Variants in CFAP47 observed in about 807,000 individuals in gnomAD.
CFAP47 encodes the protein cilia and flagella associated protein 47.
A neutral mutation model predicts 148.1 loss-of-function variants in CFAP47; 29 were observed. The observed-to-expected ratio is 0.20, with a 90% confidence interval of 0.15 to 0.27. The LOEUF is 0.27. Ranked by LOEUF, CFAP47 falls within the 10% of genes least tolerant of loss-of-function variation. The probability of loss-of-function intolerance (pLI) is 1.00; values close to 1 mark genes in which losing one functional copy is unlikely to be tolerated. For missense variants in CFAP47, 1,872 were observed against 1,697.5 expected, an observed-to-expected ratio of 1.10 and a Z score of -1.81; for synonymous variants, 664 against 577.3, an observed-to-expected ratio of 1.15 and a Z score of -2.15.
chrX:36,322,512 A>G (rs1363574405), intron 57 of CFAP47, among the ~76,000 whole-genome samples: 1 of 111,222 alleles, frequency 9.0e-6, no homozygotes, highest in Non-Finnish European at 1.9e-5. Flanking sequence ...AAACCTTCTA[A>G]TAACTACTTT....
chrX:35,957,775 C>T (rs758323955), intron 8 of CFAP47, among the ~76,000 whole-genome samples: 4 of 111,851 alleles, frequency 3.6e-5, no homozygotes, highest in South Asian at 3.7e-4. Context: ...AGTAAAAATG[C>T]GAATGTAAGA....
chrX:36,204,126 G>C (rs1017176563), intron 44 of CFAP47, among the ~76,000 whole-genome samples: 5 of 109,934 alleles, frequency 4.5e-5, no homozygotes, highest in Admixed American at 9.7e-5. Context: ...ATTTGTTTGA[G>C]TTCATTGTAG....
intron 57 of CFAP47, among the ~76,000 whole-genome samples, chrX:36,334,612 T>A (rs1413568557): frequency 1.8e-5 from 2 of 109,594 alleles, no homozygotes; most frequent in South Asian, 3.9e-4. Context: ...AACCTCCACT[T>A]TTTTTTTCTT....
chrX:36,049,486 T>TCACACA (rs1335410550), intron 26 of CFAP47, among the ~76,000 whole-genome samples: 11 of 64,545 alleles, frequency 1.7e-4, no homozygotes, highest in East Asian at 5.6e-4. Context: ...TATTTCTCTC[T>TCACACA]CTCACACACA....
chrX:36,314,993 C>T (rs1490979838), intron 56 of CFAP47, among the ~76,000 whole-genome samples: 1 of 111,572 alleles, frequency 9.0e-6, no homozygotes, highest in East Asian at 2.8e-4. Context: ...AGTCCATGAC[C>T]ACAGGTAGCA....
chrX:36,297,190 G>A (rs1296801870), intron 51 of CFAP47, among the ~76,000 whole-genome samples: 1 of 111,515 alleles, frequency 9.0e-6, no homozygotes, highest in Non-Finnish European at 1.9e-5. Flanking sequence ...CACACTAAAT[G>A]TTGTTTCCAT....
chrX:36,175,757 G>T (rs1347419856), intron 39 of CFAP47, among the ~76,000 whole-genome samples: 1 of 112,980 alleles, frequency 8.9e-6, no homozygotes, highest in Non-Finnish European at 1.9e-5. Context: ...CTTTTTGTTT[G>T]TCTGTGCCCT....
chrX:36,191,665 C>T (rs1035385072), intron 42 of CFAP47, among the ~76,000 whole-genome samples: 26 of 111,116 alleles, frequency 2.3e-4, no homozygotes, highest in Middle Eastern at 4.6e-3. Context: ...TCTTTTTAAA[C>T]GGGCCGTAAC....
At chrX:36,017,692 G>A (rs1470120850) in intron 22 of CFAP47, among the ~76,000 whole-genome samples, 1 of 111,399 alleles carries the variant, frequency 9.0e-6, no homozygotes, top group Admixed American at 9.6e-5. Flanking sequence ...TGAGTTCACA[G>A]TAGGTGTGTG....
chrX:36,061,981 C>T (rs781732665), intron 26 of CFAP47, among the ~76,000 whole-genome samples: 1 of 111,817 alleles, frequency 8.9e-6, no homozygotes, highest in African/African-American at 3.2e-5. Flanking sequence ...CTTCTTTTAA[C>T]CCTTCGTAGC....
intron 22 of CFAP47, among the ~76,000 whole-genome samples, chrX:36,029,762 T>G (rs1323463870): frequency 2.7e-5 from 3 of 110,290 alleles, no homozygotes; most frequent in Non-Finnish European, 5.7e-5. Context: ...ATATATTTAT[T>G]TATTATCTTA....
chrX:36,314,154 G>A (rs782335846), intron 56 of CFAP47, among the ~76,000 whole-genome samples: 1 of 111,536 alleles, frequency 9.0e-6, no homozygotes, highest in Admixed American at 9.6e-5. Flanking sequence ...AGAGAATTGG[G>A]CAATCCAGAA....
intron 8 of CFAP47, among the ~76,000 whole-genome samples, chrX:35,958,161 T>C (rs1049959697): frequency 1.8e-5 from 2 of 111,923 alleles, no homozygotes; most frequent in African/African-American, 6.5e-5. Flanking sequence ...ATGGCTTCTT[T>C]CATTTAGCGT....
chrX:36,182,668 C>A (rs1284279955), intron 40 of CFAP47, among the ~76,000 whole-genome samples: 2 of 111,417 alleles, frequency 1.8e-5, no homozygotes, highest in Non-Finnish European at 3.8e-5. Context: ...TTATGCAATC[C>A]ACCATATAAT....
At chrX:36,184,781 A>G (rs1163149923) in intron 40 of CFAP47, among the ~76,000 whole-genome samples, 1 of 110,701 alleles carries the variant, frequency 9.0e-6, no homozygotes, top group Non-Finnish European at 1.9e-5. Context: ...TAAAAATACA[A>G]AATTAGCTGG....
Position 36,137,986 on chromosome X carries a change from A to G in CFAP47, c.5349A>G (p.Val1783=), listed in dbSNP as rs886256658. 2.3e-6 allele frequency: 2 copies of G among 861,924 alleles called. No homozygotes were observed. 71.0% of individuals were successfully genotyped at this position (861,924 alleles called of 1,213,427 possible). The change falls in exon 34 of 64, where the codon GTA becomes GTG. Residue 1783 remains valine (V), a synonymous_variant. Transcript: ENST00000378653. Reference sequence around the variant, plus strand: ...TTATCCCTTCTGAGAGATGGATAGTAAATTTTGACAAAGACCTTTCAGATG... The same window carrying G: ...TTATCCCTTCTGAGAGATGGATAGTGAATTTTGACAAAGACCTTTCAGATG... The part of the protein sequence containing the change: ...KDVIPSERWI[V]NFDKDLSDGL...
chrX:36,208,449 G>A (rs1336920591), intron 45 of CFAP47, among the ~76,000 whole-genome samples: 3 of 109,444 alleles, frequency 2.7e-5, no homozygotes, highest in Non-Finnish European at 5.7e-5. Context: ...ACTCAGCCCT[G>A]GGTATACACG....
chrX:36,375,856 A>G (rs1556022819), intron 62 of CFAP47, among the ~76,000 whole-genome samples: 1 of 111,734 alleles, frequency 8.9e-6, no homozygotes, highest in Non-Finnish European at 1.9e-5. Context: ...TGAGAGATTA[A>G]TATTGCTTTG....
chrX:36,349,569 C>T (rs918148151), intron 58 of CFAP47, among the ~76,000 whole-genome samples: 1 of 112,025 alleles, frequency 8.9e-6, no homozygotes, highest in Admixed American at 9.5e-5. Context: ...GGCCTATAAA[C>T]ATTTTCTAAT....
Sources: gnomAD v4.1 joint callset for allele counts (sites outside exome capture counted in the v4.1 genomes callset) on GRCh38, gnomAD v4.1.1 for gene constraint, MANE v1.5 for transcripts, NCBI Gene and HGNC (gene_info 2026-07-23, HGNC 2026-07-21) for gene names.